Variants in TTN observed in about 807,000 individuals in gnomAD.
TTN encodes titin.
Under a neutral mutation model 3,223.0 loss-of-function variants are expected in TTN, and 1,525 were observed. The observed-to-expected ratio is 0.47, with a 90% CI of 0.45 to 0.49. The LOEUF (loss-of-function observed/expected upper bound fraction) is 0.49. Among genes scored for constraint, TTN ranks in the 20% least tolerant of loss-of-function variants. The probability of loss-of-function intolerance (pLI) is 0.00; values close to 1 mark genes in which losing one functional copy is unlikely to be tolerated. For synonymous variants in TTN, 14,094 were observed against 15,161.0 expected (o/e 0.93, Z 5.17); for missense variants, 40,786 against 43,424.0 (o/e 0.94, Z 5.40).
Position 178,590,347 on chromosome 2 carries a change from C to G in TTN, c.61378G>C (p.Glu20460Gln). Reference protein sequence around the residue: ...ANIVGEGEPRELAESVIAKDI... With the variant: ...ANIVGEGEPRQLAESVIAKDI... ...TTTGCAATCACAGATTCTGCTAGTT[C>G]TCTTGGCTCACCCTCTCCTACAATA... is the stretch of plus-strand genomic sequence containing the variant. The change falls in exon 304 of 363, where the codon GAA becomes CAA. Residue 20460 changes from glutamate (E) to glutamine (Q), a missense_variant. Coordinates refer to ENST00000589042, the MANE Select transcript of TTN (RefSeq NM_001267550.2). 1 of 1,573,250 alleles carries G rather than the reference C, an allele frequency of 6.4e-7. No homozygotes were observed. The highest frequency in any genetic ancestry group is 8.6e-7 in the Non-Finnish European group (1 of 1,161,058).
At chr2:178,751,362 T>C (rs1396521617) in intron 47 of TTN, 1 of 1,606,124 alleles carries the variant, frequency 6.2e-7, no homozygotes. Flanking sequence ...ATGTCAGATT[T>C]ACTTTCTAAA....
At chr2:178,767,243 G>T (rs2090620438) in intron 40 of TTN, among the ~76,000 whole-genome samples, 1 of 152,156 alleles carries the variant, frequency 6.6e-6, no homozygotes, top group Non-Finnish European at 1.5e-5. Flanking sequence ...CACTTATGAG[G>T]ACAAGCTCTG....
chr2:178,782,974 T>C lies in TTN; in HGVS notation c.2932A>G (p.Arg978Gly). ...GAACTTTCGATTTGGTAGTCTTCCC[T>C]GTACCATGTCACTGTCGGGGATGGG... ...GYPSPTVTWY[R>G]EDYQIESSID... Residue 978 changes from arginine (R) to glycine (G), a missense_variant, in exon 18 of 363, where the codon AGG becomes GGG. By Grantham distance (125) the Arg-to-Gly change is moderately radical. Transcript: ENST00000589042. 6.2e-7 allele frequency: 1 copy of C among 1,614,166 alleles called. No homozygotes were observed. Among genetic ancestry groups the C allele is most frequent in the Non-Finnish European group, 8.5e-7 (1 of 1,180,004 alleles).
At chr2:178,688,937 A>C (rs766527890) in intron 125 of TTN, 116 bp downstream of exon 125, 1 of 1,226,246 alleles carries the variant, frequency 8.2e-7, no homozygotes, top group Non-Finnish European at 1.2e-6. Context: ...TTTCACTGCA[A>C]GTGAGACAAT....
rs374058011 is a variant in TTN at position 178,599,339 on chromosome 2, T to G, written c.56454A>C (p.Thr18818=). The change falls in exon 290 of 363, where the codon ACA becomes ACC. Residue 18818 remains threonine (T), a synonymous_variant. Transcript: ENST00000589042. ...CTTCTCTTTTCTCAATTACATAGTT[T>G]GTAATCTTAGACCCACCATCATCTT... ...PPKDDGGSKI[T]NYVIEKREAN... The G allele has an allele frequency of 1.7e-5, 28 of 1,609,712 alleles. No homozygotes were observed. The highest frequency in any genetic ancestry group is 6.7e-5 in the Admixed American group (4 of 59,284).
At position 178,723,873 on chromosome 2, in the gene TTN, G is replaced by A. The variant is rs2078875865; in HGVS notation, c.21386C>T (p.Ala7129Val). The A allele has an allele frequency of 2.5e-6, 4 of 1,611,252 alleles. No homozygotes were observed. Among genetic ancestry groups the A allele is most frequent in the Non-Finnish European group, 3.4e-6 (4 of 1,178,162 alleles). ...CTACTGACCTTGTACAGTTAGCACT[G>A]CACGACATTCATCAGACCCAGCGAC... ...ANVAGSDECR[A>V]VLTVQEPPSF... is the part of the protein sequence containing the mutation. Residue 7129 changes from alanine (A) to valine (V), a missense_variant, in exon 73 of 363, where the codon GCA (alanine) becomes GTA (valine). By Grantham distance (64) the Ala-to-Val change is moderately conservative. Coordinates refer to ENST00000589042, the MANE Select transcript of TTN (RefSeq NM_001267550.2).
At chr2:178,673,766 AC>A in intron 151 of TTN, 56 bp from the exon 152 acceptor site, 2 of 1,144,526 alleles carry the variant, frequency 1.7e-6, no homozygotes, top group South Asian at 2.9e-5. Flanking sequence ...GCAGAACACC[AC>A]CCATATACCA....
rs756727745 is a variant in TTN, at chr2:178,636,776, G to A, written c.40951C>T (p.Pro13651Ser). 1 of 1,600,840 alleles carries A rather than the reference G, an allele frequency of 6.2e-7. No homozygotes were observed. Among genetic ancestry groups the A allele is most frequent in the East Asian group, 2.2e-5 (1 of 44,548 alleles). Residue 13651 changes from proline to serine, a missense_variant, in exon 225 of 363, where the codon CCA becomes TCA. Coordinates refer to ENST00000589042, the MANE Select transcript of TTN (RefSeq NM_001267550.2). The surrounding 1 kb of genome is among the most constrained non-coding windows in gnomAD (Gnocchi z 4.3). The part of the protein sequence containing the change: ...IKGVPKKTPS[P>S]IEAERRKLRP... ...AACTTTCTCCTTTCGGCTTCTATTG[G>A]TGAAGGAGTCTTTTTGGGTACACCT...
At position 178,807,310 on chromosome 2, in the gene TTN, A is replaced by G. The variant is rs1012052741; in HGVS notation, c.-112T>C. On this transcript the variant is annotated 5_prime_UTR_variant, in exon 1 of 363. The change abolishes an upstream ATG in the 5' untranslated region. Transcript: ENST00000589042. ...GTTGGTTTTTCTGACCATCTCCGAC[A>G]TGAATCGGTGAGCCTCTAATCCTAA... The G allele has an allele frequency of 4.7e-4, 71 of 152,258 alleles. No homozygotes were observed. Among genetic ancestry groups the G allele is most frequent in the African/African-American group, 1.7e-3 (69 of 41,556 alleles). The allele number at this position is 152,258 out of a possible 1,614,324, so 9.4% of individuals were successfully genotyped here. A position where few individuals can be genotyped will look rare whatever the true frequency, so the allele number is the denominator to read the frequency against.
intron 208 of TTN, 69 bp downstream of exon 208, chr2:178,651,174 G>T: frequency 1.5e-6 from 2 of 1,313,674 alleles, no homozygotes; most frequent in Middle Eastern, 1.9e-4. Context: ...CAAACAAAAG[G>T]TTTGATAATA....
chr2:178,768,169 T>A lies in TTN; in HGVS notation c.9164-14A>T, dbSNP rs780410565. 3 of 1,613,774 alleles carry A rather than the reference T, an allele frequency of 1.9e-6. No homozygotes were observed. The highest frequency in any genetic ancestry group is 2.2e-5 in the South Asian group (2 of 91,064). On this transcript the variant is annotated splice_polypyrimidine_tract_variant and intron_variant, in intron 38 of 362. Coordinates refer to ENST00000589042, the MANE Select transcript of TTN (RefSeq NM_001267550.2). ...CTATATGACGAGCTGGAAAATAGCA[T>A]GTAGAAAAATTAACATTTTTAACAG...
rs1483003625 is a variant in TTN at position 178,536,388 on chromosome 2, T to G, written c.100359A>C (p.Ser33453=). 6.2e-7 allele frequency: 1 copy of G among 1,613,670 alleles called. No individual in the cohort carries two copies. Among genetic ancestry groups the G allele is most frequent in the Non-Finnish European group, 8.5e-7 (1 of 1,179,776 alleles). ...CAAGACCTTCAATAAGGTTTTTCAC[T>G]GAAAAGACAGTTTCTCGAATTTCTT... is the stretch of plus-strand genomic sequence containing the variant. ...TTEEIRETVF[S]VKNLIEGLEY... is the part of the protein sequence containing the mutation. Residue 33453 remains serine (S), a synonymous_variant, in exon 357 of 363, where the codon TCA becomes TCC. Transcript: ENST00000589042.
chr2:178,671,823 G>T (rs1422668796), intron 155 of TTN, 148 bp downstream of exon 155: 5 of 755,572 alleles, frequency 6.6e-6, no homozygotes, highest in Non-Finnish European at 1.0e-5. Context: ...GTGGTTAAGA[G>T]ATATTAATCT....
intron 288 of TTN, chr2:178,600,617 C>A: frequency 3.8e-6 from 2 of 531,830 alleles, no homozygotes; most frequent in South Asian, 5.0e-5. Flanking sequence ...AGGAAAATTA[C>A]AGCGAGGAAA....
rs1267620209 is a variant in TTN at position 178,533,612 on chromosome 2, C to A, written c.103003G>T (p.Ala34335Ser). 1 of 1,613,928 alleles carries A rather than the reference C, an allele frequency of 6.2e-7. No homozygotes were observed. Among genetic ancestry groups the A allele is most frequent in the South Asian group, 1.1e-5 (1 of 91,076 alleles). ...CTGTCTTCACCATATTTGTTCCTTG[C>A]CACAACAGTATATTCAGCGTCATCA... ...TDDDAEYTVV[A>S]RNKYGEDSCK... Residue 34335 changes from alanine (A) to serine (S), a missense_variant, in exon 358 of 363, where the codon GCA (alanine) becomes TCA (serine). Coordinates refer to ENST00000589042, the MANE Select transcript of TTN (RefSeq NM_001267550.2).
In TTN at chr2:178,673,728, G is replaced by C. The variant is rs769419373; in HGVS notation, c.34709-18C>G. ...TTCAGGCACTTAAAAGAAATTTTATGAACATTTTGAAAAGTGGCATGTGAT... is the reference window on the plus strand; with the variant it reads ...TTCAGGCACTTAAAAGAAATTTTATCAACATTTTGAAAAGTGGCATGTGAT... On this transcript the variant is annotated intron_variant, in intron 151 of 362. Coordinates refer to ENST00000589042, the MANE Select transcript of TTN (RefSeq NM_001267550.2). 6.3e-7 allele frequency: 1 copy of C among 1,581,046 alleles called. No individual in the cohort carries two copies. Among genetic ancestry groups the C allele is most frequent in the South Asian group, 1.2e-5 (1 of 83,376 alleles).
chr2:178,729,237 TA>T, intron 64 of TTN, 50 bp downstream of exon 64: 2 of 1,553,378 alleles, frequency 1.3e-6, no homozygotes, highest in Admixed American at 3.9e-5. Context: ...TGATAAGATT[TA>T]AAAGCGTTAC....
chr2:178,774,504 T>A, intron 29 of TTN, 31 bp from the exon 30 acceptor site: 1 of 1,604,730 alleles, frequency 6.2e-7, no homozygotes, highest in Non-Finnish European at 8.5e-7. Context: ...ATAAATCAAT[T>A]TTTTTGGAGA....
chr2:178,776,632 T>G lies in TTN; in HGVS notation c.5232A>C (p.Pro1744=). ...TACGGAGCCTGTTGGCTGCTTCAAG[T>G]GGCTTTCCATCATGGAGCCACTCCA... ...MVVEWLHDGK[P]LEAANRLRMI... The change falls in exon 28 of 363, where the codon CCA becomes CCC. Residue 1744 remains proline, a synonymous_variant. Transcript: ENST00000589042. 6.2e-7 allele frequency: 1 copy of G among 1,614,122 alleles called. No homozygotes were observed. Among genetic ancestry groups the G allele is most frequent in the Non-Finnish European group, 8.5e-7 (1 of 1,180,022 alleles).
Sources: allele counts gnomAD v4.1 joint callset (sites outside exome capture counted in the v4.1 genomes callset), GRCh38; gene constraint gnomAD v4.1.1; non-coding constraint Gnocchi (gnomAD v3.1); transcripts MANE v1.5; gene names NCBI Gene and HGNC (gene_info 2026-07-23, HGNC 2026-07-21).